Variants in ASB3 observed in about 807,000 individuals in gnomAD.
ASB3 encodes the protein ankyrin repeat and SOCS box containing 3.
ASB3 carries 41 observed loss-of-function variants against 54.5 expected under a neutral mutation model. That is an observed-to-expected ratio of 0.75 (90% CI 0.59 to 0.98). The LOEUF is 0.98. Ranked by LOEUF, ASB3 falls within the 50% of genes least tolerant of loss-of-function variation. ASB3 has a pLI of 0.00. For synonymous variants in ASB3, 266 were observed against 221.2 expected (o/e 1.20, Z -1.80); for missense variants, 733 against 620.0 (o/e 1.18, Z -1.94).
chr2:53,712,867 C>T (rs1207078915), intron 7 of ASB3, among the ~76,000 whole-genome samples: 1 of 152,102 alleles, frequency 6.6e-6, no homozygotes, highest in Non-Finnish European at 1.5e-5. Flanking sequence ...AGAAAGGCAA[C>T]TAAAAGTTAT....
intron 2 of ASB3, among the ~76,000 whole-genome samples, chr2:53,760,436 A>G (rs1673079545): frequency 6.6e-6 from 1 of 152,280 alleles, no homozygotes; most frequent in South Asian, 2.1e-4. Flanking sequence ...ATTGAAGCCA[A>G]AAGAGTTGCA....
In ASB3 at chr2:53,716,625, G is replaced by A; in HGVS notation, c.723C>T (p.Tyr241=). 1 of 1,614,168 alleles carries A rather than the reference G, an allele frequency of 6.2e-7. No individual in the cohort carries two copies. The highest frequency in any genetic ancestry group is 8.5e-7 in the Non-Finnish European group (1 of 1,180,010). ...GTAACTGCCAACTGTCCTCATTACAGTAAAGATCAGGATCTGCCCCACTGG... is the reference window on the plus strand; with the variant it reads ...GTAACTGCCAACTGTCCTCATTACAATAAAGATCAGGATCTGCCCCACTGG... The part of the protein sequence containing the change: ...LLSSGADPDL[Y]CNEDSWQLPI... Residue 241 remains tyrosine (Y), a synonymous_variant, in exon 6 of 10, where the codon TAC becomes TAT. Coordinates refer to ENST00000263634, the MANE Select transcript of ASB3 (RefSeq NM_016115.5).
At chr2:53,690,129 G>A (rs1242038753) in intron 9 of ASB3, among the ~76,000 whole-genome samples, 2 of 151,984 alleles carry the variant, frequency 1.3e-5, no homozygotes, top group Non-Finnish European at 1.5e-5. Flanking sequence ...CCAGCTACTC[G>A]GGAGGCTGAG....
At chr2:53,678,023 T>C (rs991039111) in intron 9 of ASB3, among the ~76,000 whole-genome samples, 1 of 152,316 alleles carries the variant, frequency 6.6e-6, no homozygotes, top group Non-Finnish European at 1.5e-5. Context: ...ATTGTATATA[T>C]TTAAAGTGTA....
intron 1 of ASB3, among the ~76,000 whole-genome samples, chr2:53,776,646 C>T (rs182844925): frequency 1.3e-5 from 2 of 152,004 alleles, no homozygotes; most frequent in African/African-American, 4.8e-5. Flanking sequence ...CAGAAGAGCA[C>T]CATCTCTATA....
chr2:53,729,851 A>AG (rs1421282711), intron 3 of ASB3, among the ~76,000 whole-genome samples: 2 of 152,242 alleles, frequency 1.3e-5, no homozygotes, highest in African/African-American at 4.8e-5. Context: ...GCCTAGCTCT[A>AG]GTTTGTTAAA....
intron 9 of ASB3, among the ~76,000 whole-genome samples, chr2:53,680,445 T>C (rs1363707651): frequency 6.6e-6 from 1 of 152,266 alleles, no homozygotes; most frequent in African/African-American, 2.4e-5. Flanking sequence ...CTGACTGCTA[T>C]GAGATGGTAT....
chr2:53,750,817 T>G lies in ASB3; in HGVS notation c.321A>C (p.Ala107=), dbSNP rs761838522. The G allele has an allele frequency of 6.3e-7, 1 of 1,591,020 alleles. No homozygotes were observed. The highest frequency in any genetic ancestry group is 8.5e-7 in the Non-Finnish European group (1 of 1,169,972). The change falls in exon 3 of 10, where the codon GCA becomes GCC. Residue 107 remains alanine (A), a synonymous_variant. Transcript: ENST00000263634. ...ATGGTGTCGTTTCTTCTAAAGTAGT[T>G]GCATTAGGATCTGCCCCAGCTTCTA... The part of the protein sequence containing the change: ...ILLEAGADPN[A]TTLEETTPLF...
At chr2:53,706,742 G>C (rs1199826177) in intron 7 of ASB3, among the ~76,000 whole-genome samples, 1 of 152,176 alleles carries the variant, frequency 6.6e-6, no homozygotes. Context: ...ACTGCACCCA[G>C]CCAAAACGCA....
chr2:53,762,997 C>A lies in ASB3; in HGVS notation c.196+2380G>T, dbSNP rs559783259. On this transcript the variant is annotated intron_variant, in intron 2 of 9. Coordinates refer to ENST00000263634, the MANE Select transcript of ASB3 (RefSeq NM_016115.5). ...TTTCCATTTTATTTGTGTAGGCCTA[C>A]ATACCTTCTTATTTGGGTGCACTAA... Among the ~76,000 whole-genome samples, 20 of 152,098 alleles carry A rather than the reference C, an allele frequency of 1.3e-4. No homozygotes were observed. In the South Asian group the frequency reaches 3.9e-3, roughly 30 times the overall value.
At chr2:53,767,943 C>G (rs746353771) in intron 1 of ASB3, 3 of 1,614,126 alleles carry the variant, frequency 1.9e-6, no homozygotes, top group Non-Finnish European at 2.5e-6. Context: ...CCTATCAGGA[C>G]AAGCTGGTCG....
chr2:53,744,472 A>G (rs1303431632), intron 3 of ASB3, among the ~76,000 whole-genome samples: 3 of 152,126 alleles, frequency 2.0e-5, no homozygotes, highest in Non-Finnish European at 2.9e-5. Context: ...AAAACAAACA[A>G]AAGTAAAACC....
intron 9 of ASB3, among the ~76,000 whole-genome samples, chr2:53,675,348 A>G (rs1322833569): frequency 2.6e-5 from 4 of 152,028 alleles, no homozygotes; most frequent in Non-Finnish European, 4.4e-5. Flanking sequence ...ATAAAATAAA[A>G]TAAGCCAATA....
intron 2 of ASB3, 151 bp downstream of exon 2, chr2:53,765,226 C>T (rs1572994437): frequency 2.6e-6 from 3 of 1,160,632 alleles, no homozygotes. Context: ...GGCAGGCAAT[C>T]TTACTATCCT....
intron 9 of ASB3, among the ~76,000 whole-genome samples, chr2:53,688,513 T>G (rs1668747459): frequency 6.6e-6 from 1 of 152,196 alleles, no homozygotes; most frequent in African/African-American, 2.4e-5. Flanking sequence ...GAAACGGAAC[T>G]CAGTTAACTG....
intron 9 of ASB3, among the ~76,000 whole-genome samples, chr2:53,671,771 GA>G (rs1213850655): frequency 6.9e-6 from 1 of 145,448 alleles, no homozygotes; most frequent in Non-Finnish European, 1.5e-5. Flanking sequence ...AAAAAAAAAA[GA>G]AAAGAATCAT....
At chr2:53,676,778 T>A (rs1226820867) in intron 9 of ASB3, among the ~76,000 whole-genome samples, 1 of 152,192 alleles carries the variant, frequency 6.6e-6, no homozygotes, top group Non-Finnish European at 1.5e-5. Flanking sequence ...TTGTTCGTTT[T>A]GTTTTGTTTT....
At chr2:53,673,618 T>C (rs1030929263) in intron 9 of ASB3, among the ~76,000 whole-genome samples, 7 of 152,302 alleles carry the variant, frequency 4.6e-5, no homozygotes, top group African/African-American at 1.7e-4. Context: ...CACTGAGATG[T>C]GGCACATCAA....
intron 3 of ASB3, among the ~76,000 whole-genome samples, chr2:53,731,253 T>C (rs1197289059): frequency 6.6e-6 from 1 of 151,978 alleles, no homozygotes; most frequent in African/African-American, 2.4e-5. Context: ...TACAAAAAAA[T>C]TAGCTGGGCA....
Sources: allele counts gnomAD v4.1 joint callset (sites outside exome capture counted in the v4.1 genomes callset), GRCh38; gene constraint gnomAD v4.1.1; transcripts MANE v1.5; gene names NCBI Gene and HGNC (gene_info 2026-07-23, HGNC 2026-07-21).